GALNTL6: variants seen among roughly 807,000 people sequenced by gnomAD.
GALNTL6 encodes the protein polypeptide N-acetylgalactosaminyltransferase like 6.
GALNTL6 carries 46 observed loss-of-function variants against 73.7 expected under a neutral mutation model. The ratio of observed to expected loss-of-function variants is 0.62; its 90% CI spans 0.49 to 0.80. GALNTL6 has a LOEUF of 0.80. GALNTL6 is among the 30% of genes least tolerant of loss of function. The pLI is 0.00. For missense variants in GALNTL6, 604 were observed against 755.0 expected (o/e 0.80, Z 2.34); for synonymous variants, 259 against 263.7 (o/e 0.98, Z 0.17).
chr4:172,422,241 T>C (rs775204440), intron 5 of GALNTL6, among the ~76,000 whole-genome samples: 2 of 152,112 alleles, frequency 1.3e-5, no homozygotes, highest in Non-Finnish European at 2.9e-5. Flanking sequence ...GACTTCTCTC[T>C]TGAAAATACT....
chr4:171,982,363 T>C (rs910454666), intron 2 of GALNTL6, among the ~76,000 whole-genome samples: 1 of 152,148 alleles, frequency 6.6e-6, no homozygotes, highest in Admixed American at 6.5e-5. Context: ...AGTGGCGCGA[T>C]CTCGGCCCAC....
At chr4:171,859,716 A>G (rs370952178) in intron 2 of GALNTL6, among the ~76,000 whole-genome samples, 10 of 152,316 alleles carry the variant, frequency 6.6e-5, no homozygotes, top group South Asian at 4.1e-4. Context: ...AGTGTCATCA[A>G]TCAGTAAAGC....
chr4:172,637,936 G>C (rs1739771738), intron 5 of GALNTL6, among the ~76,000 whole-genome samples: 1 of 152,004 alleles, frequency 6.6e-6, no homozygotes, highest in African/African-American at 2.4e-5. Flanking sequence ...ACCCATCCCT[G>C]ATTCCTAAAC....
At chr4:172,601,227 C>A (rs1164281295) in intron 5 of GALNTL6, among the ~76,000 whole-genome samples, 2 of 152,118 alleles carry the variant, frequency 1.3e-5, no homozygotes, top group Non-Finnish European at 2.9e-5. Context: ...GTCAACTTAA[C>A]AACATAGCAA....
intron 5 of GALNTL6, among the ~76,000 whole-genome samples, chr4:172,786,060 G>A (rs1253308479): frequency 6.6e-6 from 1 of 151,860 alleles, no homozygotes; most frequent in Non-Finnish European, 1.5e-5. Context: ...GGGGAATTAT[G>A]TGCCTTGAAT....
At chr4:172,551,055 A>G (rs1434785392) in intron 5 of GALNTL6, among the ~76,000 whole-genome samples, 1 of 152,192 alleles carries the variant, frequency 6.6e-6, no homozygotes, top group Non-Finnish European at 1.5e-5. Flanking sequence ...CAGGTGCTAG[A>G]GTGAAGACTG....
intron 3 of GALNTL6, among the ~76,000 whole-genome samples, chr4:172,268,354 G>T: frequency 6.6e-6 from 1 of 152,174 alleles, no homozygotes; most frequent in East Asian, 1.9e-4. Context: ...GGGAAGAGCA[G>T]AAAGTTGGGC....
chr4:171,962,304 T>C (rs753076409), intron 2 of GALNTL6, among the ~76,000 whole-genome samples: 3 of 152,186 alleles, frequency 2.0e-5, no homozygotes, highest in Non-Finnish European at 4.4e-5. Flanking sequence ...CCTACCGGGC[T>C]GCATTCCCAG....
chr4:172,520,429 T>C (rs1734739477), intron 5 of GALNTL6, among the ~76,000 whole-genome samples: 1 of 152,012 alleles, frequency 6.6e-6, no homozygotes, highest in Admixed American at 6.6e-5. Flanking sequence ...AATGTTTATA[T>C]CCATTTAAAA....
chr4:172,482,173 A>C (rs886922471), intron 5 of GALNTL6, among the ~76,000 whole-genome samples: 2 of 152,132 alleles, frequency 1.3e-5, no homozygotes, highest in African/African-American at 4.8e-5. Flanking sequence ...AGAGGGCAGG[A>C]CCTGCCGAGC....
At chr4:172,103,028 C>T (rs1732564372) in intron 2 of GALNTL6, among the ~76,000 whole-genome samples, 1 of 152,090 alleles carries the variant, frequency 6.6e-6, no homozygotes, top group African/African-American at 2.4e-5. Flanking sequence ...ATAAGGAGAC[C>T]TAGGAATAAA....
At chr4:172,355,709 A>G (rs1028502292) in intron 5 of GALNTL6, among the ~76,000 whole-genome samples, 2 of 152,154 alleles carry the variant, frequency 1.3e-5, no homozygotes, top group East Asian at 3.8e-4. Context: ...CATTTGTCCT[A>G]TGAGTAGCTT....
At chr4:172,138,780 C>T (rs745658116) in intron 2 of GALNTL6, among the ~76,000 whole-genome samples, 9 of 151,038 alleles carry the variant, frequency 6.0e-5, no homozygotes, top group African/African-American at 4.9e-5. Flanking sequence ...CTGCCCGCCT[C>T]GGCCTCCCAA....
At chr4:172,446,650 T>C (rs886400467) in intron 5 of GALNTL6, among the ~76,000 whole-genome samples, 5 of 152,132 alleles carry the variant, frequency 3.3e-5, no homozygotes, top group African/African-American at 1.2e-4. Context: ...AATGGAGTCA[T>C]AGGCCTCATG....
chr4:171,980,908 A>C (rs1443299209), intron 2 of GALNTL6, among the ~76,000 whole-genome samples: 1 of 152,248 alleles, frequency 6.6e-6, no homozygotes, highest in Non-Finnish European at 1.5e-5. Context: ...TTTAAAAAGT[A>C]GTATTTTGCA....
intron 2 of GALNTL6, among the ~76,000 whole-genome samples, chr4:172,152,070 G>A (rs1268709105): frequency 2.0e-5 from 3 of 151,840 alleles, no homozygotes; most frequent in Admixed American, 2.0e-4. Context: ...CCCACCTCCC[G>A]GGTTCAAGCG....
chr4:172,647,268 G>A (rs1740281437), intron 5 of GALNTL6, among the ~76,000 whole-genome samples: 1 of 152,036 alleles, frequency 6.6e-6, no homozygotes, highest in Non-Finnish European at 1.5e-5. Context: ...GCAAACTTTA[G>A]AAATTATATC....
chr4:171,961,531 C>T (rs770938066), intron 2 of GALNTL6, among the ~76,000 whole-genome samples: 1 of 152,144 alleles, frequency 6.6e-6, no homozygotes, highest in Non-Finnish European at 1.5e-5. Flanking sequence ...ATTCTTGCTG[C>T]ACTTTATACA....
At chr4:172,128,022 T>G (rs1204794477) in intron 2 of GALNTL6, among the ~76,000 whole-genome samples, 1 of 151,928 alleles carries the variant, frequency 6.6e-6, no homozygotes, top group Non-Finnish European at 1.5e-5. Context: ...GGAGAATCGC[T>G]TGAACTTGGG....
Sources: allele counts gnomAD v4.1 joint callset (sites outside exome capture counted in the v4.1 genomes callset), GRCh38; gene constraint gnomAD v4.1.1; transcripts MANE v1.5; gene names NCBI Gene and HGNC (gene_info 2026-07-23, HGNC 2026-07-21).